TXNDC16: variants seen among roughly 807,000 people sequenced by gnomAD.
TXNDC16 encodes the protein thioredoxin domain containing 16, also known as thioredoxin domain-containing protein 16.
In TXNDC16, 74 loss-of-function variants were observed where a neutral mutation model predicts 85.6. The ratio of observed to expected loss-of-function variants is 0.86; its 90% confidence interval spans 0.72 to 1.05. TXNDC16 has a LOEUF of 1.05. Among genes scored for constraint, TXNDC16 ranks in the 50% least tolerant of loss-of-function variants. The probability of loss-of-function intolerance (pLI) is 0.00; values close to 1 mark genes in which losing one functional copy is unlikely to be tolerated. For missense variants in TXNDC16, 959 were observed against 947.0 expected (o/e 1.01, Z -0.17); for synonymous variants, 335 against 326.5 (o/e 1.03, Z -0.28).
chr14:52,528,254 G>T (rs904772673), intron 6 of TXNDC16, among the ~76,000 whole-genome samples: 10 of 152,060 alleles, frequency 6.6e-5, no homozygotes, highest in African/African-American at 2.4e-4. Flanking sequence ...CAACACAAAT[G>T]CTTCGGGATA....
At chr14:52,447,235 C>T (rs2035306010) in intron 18 of TXNDC16, among the ~76,000 whole-genome samples, 1 of 152,028 alleles carries the variant, frequency 6.6e-6, no homozygotes, top group African/African-American at 2.4e-5. Context: ...ATGGAAGAGC[C>T]CTTGGGCCTT....
intron 6 of TXNDC16, among the ~76,000 whole-genome samples, chr14:52,521,898 C>CT (rs1449971782): frequency 1.1e-4 from 17 of 152,328 alleles, no homozygotes; most frequent in Admixed American, 1.0e-3. Context: ...AATCATACTT[C>CT]TAGTTGCTGG....
At chr14:52,522,044 T>C (rs565400599) in intron 6 of TXNDC16, among the ~76,000 whole-genome samples, 12 of 152,350 alleles carry the variant, frequency 7.9e-5, no homozygotes, top group Admixed American at 2.0e-4. Context: ...ATTGGCTGCC[T>C]ATACATTTTG....
At chr14:52,532,403 T>C (rs2037602116) in intron 6 of TXNDC16, among the ~76,000 whole-genome samples, 1 of 152,028 alleles carries the variant, frequency 6.6e-6, no homozygotes, top group African/African-American at 2.4e-5. Flanking sequence ...AAAACATAAT[T>C]TAAAAATGGA....
intron 1 of TXNDC16, among the ~76,000 whole-genome samples, chr14:52,548,942 G>A (rs775479466): frequency 6.6e-6 from 1 of 152,300 alleles, no homozygotes; most frequent in East Asian, 1.9e-4. Context: ...TGTTTCCACA[G>A]TATAACCCAG....
rs1566560381 is a variant in TXNDC16 at position 52,495,914 on chromosome 14, C to T, written c.757-4909G>A. Reference sequence around the variant, plus strand: ...GTGGCTCACGCCTGTAATCCCAGCACTTTGGGAGGCTGAGGCAGGCGGATC... The same window carrying T: ...GTGGCTCACGCCTGTAATCCCAGCATTTTGGGAGGCTGAGGCAGGCGGATC... On this transcript the variant is annotated intron_variant, in intron 9 of 20. Coordinates refer to ENST00000281741, the MANE Select transcript of TXNDC16 (RefSeq NM_020784.3). 8.5e-5 allele frequency among the ~76,000 whole-genome samples: 13 copies of T among 152,202 alleles called. No homozygotes were observed. In the South Asian group the frequency reaches 2.7e-3, roughly 32 times the overall value.
At chr14:52,513,635 A>G (rs1381958408) in intron 8 of TXNDC16, among the ~76,000 whole-genome samples, 2 of 147,570 alleles carry the variant, frequency 1.4e-5, no homozygotes, top group Non-Finnish European at 3.0e-5. Flanking sequence ...CTTAGATCAG[A>G]TATATACATA....
At position 52,470,033 on chromosome 14, in the gene TXNDC16, T is replaced by C. The variant is rs772888705; in HGVS notation, c.1618+4A>G. 1.9e-6 allele frequency: 3 copies of C among 1,604,470 alleles called. No individual in the cohort carries two copies. The highest frequency in any genetic ancestry group is 2.3e-5 in the South Asian group (2 of 88,444). On this transcript the variant is annotated splice_donor_region_variant and intron_variant, in intron 16 of 20. Transcript: ENST00000281741. Reference sequence around the variant, plus strand: ...GTATAATTTAAAAGCTCAGCTCTGCTTACCTGTTTTCATGGTTGGACTAAA... The same window carrying C: ...GTATAATTTAAAAGCTCAGCTCTGCCTACCTGTTTTCATGGTTGGACTAAA...
chr14:52,440,472 C>A, intron 19 of TXNDC16, 92 bp downstream of exon 19: 1 of 1,100,164 alleles, frequency 9.1e-7, no homozygotes, highest in African/African-American at 1.6e-5. Context: ...AAAATTAACT[C>A]CAAAGAGTTA....
intron 16 of TXNDC16, among the ~76,000 whole-genome samples, chr14:52,469,748 A>G (rs1416163697): frequency 6.6e-6 from 1 of 152,210 alleles, no homozygotes; most frequent in Non-Finnish European, 1.5e-5. Context: ...TCTCAAAAAA[A>G]CAAAACAAAC....
chr14:52,476,612 C>T (rs575858152), intron 14 of TXNDC16, among the ~76,000 whole-genome samples: 37 of 151,896 alleles, frequency 2.4e-4, no homozygotes, highest in South Asian at 2.3e-3. Context: ...ACAAGGTCTT[C>T]GAATTAACCC....
intron 12 of TXNDC16, among the ~76,000 whole-genome samples, chr14:52,484,340 G>A (rs993040858): frequency 2.6e-5 from 4 of 152,164 alleles, no homozygotes; most frequent in Admixed American, 2.6e-4. Flanking sequence ...AAAGAAGGGA[G>A]AGAGAAGACA....
chr14:52,542,788 A>C (rs543163093), intron 3 of TXNDC16, among the ~76,000 whole-genome samples: 27 of 152,320 alleles, frequency 1.8e-4, no homozygotes, highest in African/African-American at 6.5e-4. Flanking sequence ...AAAAACTTTC[A>C]AAATGATTTT....
intron 9 of TXNDC16, among the ~76,000 whole-genome samples, chr14:52,499,189 C>T (rs890036679): frequency 6.6e-6 from 1 of 152,012 alleles, no homozygotes; most frequent in East Asian, 1.9e-4. Flanking sequence ...GATTAAATAC[C>T]TAAACATAAG....
chr14:52,519,389 C>A, intron 6 of TXNDC16, 96 bp from the exon 7 acceptor site: 1 of 874,600 alleles, frequency 1.1e-6, no homozygotes. Context: ...AGAAATATAT[C>A]TCCATTGAAT....
At chr14:52,514,856 T>A in intron 8 of TXNDC16, 24 bp downstream of exon 8, 1 of 1,544,574 alleles carries the variant, frequency 6.5e-7, no homozygotes, top group Non-Finnish European at 8.8e-7. Flanking sequence ...CTTTAAATTG[T>A]TGACATATGC....
chr14:52,543,264 C>A, intron 3 of TXNDC16, 134 bp downstream of exon 3: 2 of 999,808 alleles, frequency 2.0e-6, no homozygotes, highest in Non-Finnish European at 2.8e-6. Context: ...CGGATTCAAA[C>A]CCAGTCAGAC....
chr14:52,534,180 A>C (rs1187085516), intron 6 of TXNDC16, among the ~76,000 whole-genome samples: 1 of 152,122 alleles, frequency 6.6e-6, no homozygotes, highest in Non-Finnish European at 1.5e-5. Flanking sequence ...ACTTATACAG[A>C]GGGAAAACAA....
intron 13 of TXNDC16, 44 bp downstream of exon 13, chr14:52,482,778 T>C (rs2036178528): frequency 1.3e-6 from 2 of 1,512,308 alleles, no homozygotes; most frequent in Admixed American, 2.4e-5. Context: ...TCTGGGTTTT[T>C]AAATGTCCTA....
Sources: allele counts gnomAD v4.1 joint callset (sites outside exome capture counted in the v4.1 genomes callset), GRCh38; gene constraint gnomAD v4.1.1; transcripts MANE v1.5; gene names NCBI Gene and HGNC (gene_info 2026-07-23, HGNC 2026-07-21).